Variants in MLLT3 observed in about 807,000 individuals in gnomAD.
MLLT3 encodes MLLT3 super elongation complex subunit.
In MLLT3, 4 loss-of-function variants were observed where a neutral mutation model predicts 53.2. The observed-to-expected ratio is 0.08, with a 90% CI of 0.04 to 0.17. The LOEUF (loss-of-function observed/expected upper bound fraction) is 0.17, where lower values mean the gene tolerates loss of function less well. Ranked by LOEUF, MLLT3 falls within the 10% of genes least tolerant of loss-of-function variation. MLLT3 has a pLI of 1.00. For missense variants in MLLT3, 569 were observed against 684.0 expected, an observed-to-expected ratio of 0.83 and a Z score of 1.87; for synonymous variants, 283 against 230.6, an observed-to-expected ratio of 1.23 and a Z score of -2.06.
chr9:20,449,308 G>A (rs746945589), intron 3 of MLLT3, among the ~76,000 whole-genome samples: 46 of 152,134 alleles, frequency 3.0e-4, no homozygotes, highest in Middle Eastern at 3.2e-3. Context: ...GTATCTGTGA[G>A]ATTAATAAGA....
intron 4 of MLLT3, among the ~76,000 whole-genome samples, chr9:20,437,950 T>G (rs1361880753): frequency 6.6e-6 from 1 of 152,230 alleles, no homozygotes; most frequent in African/African-American, 2.4e-5. Flanking sequence ...CTTGGTCTCA[T>G]AGTCACTGGC....
At chr9:20,399,963 TG>T (rs1425390000) in intron 5 of MLLT3, among the ~76,000 whole-genome samples, 1 of 151,936 alleles carries the variant, frequency 6.6e-6, no homozygotes, top group Non-Finnish European at 1.5e-5. Context: ...GAAAGAACGA[TG>T]GAACAAAAAT....
At chr9:20,603,435 C>G (rs540187104) in intron 2 of MLLT3, among the ~76,000 whole-genome samples, 4 of 151,990 alleles carry the variant, frequency 2.6e-5, no homozygotes, top group African/African-American at 9.6e-5. Context: ...ATGTTTTTTC[C>G]TCTGAATTTT....
At chr9:20,577,367 A>G (rs1166884872) in intron 2 of MLLT3, among the ~76,000 whole-genome samples, 3 of 152,182 alleles carry the variant, frequency 2.0e-5, no homozygotes, top group African/African-American at 7.2e-5. Flanking sequence ...ATAAAGTTTG[A>G]TCCAGGAGTA....
chr9:20,355,758 G>T (rs1821157243), intron 8 of MLLT3, among the ~76,000 whole-genome samples: 1 of 152,186 alleles, frequency 6.6e-6, no homozygotes, highest in Non-Finnish European at 1.5e-5. Context: ...AACTCATTAT[G>T]AAGTGAGTTG....
chr9:20,368,497 G>A (rs1821513446), intron 5 of MLLT3, among the ~76,000 whole-genome samples: 1 of 152,128 alleles, frequency 6.6e-6, no homozygotes, highest in Non-Finnish European at 1.5e-5. Context: ...CTCTGCCAGA[G>A]CTATTTGCTG....
At chr9:20,547,376 G>C (rs1410579054) in intron 2 of MLLT3, among the ~76,000 whole-genome samples, 3 of 151,902 alleles carry the variant, frequency 2.0e-5, no homozygotes, top group Admixed American at 6.5e-5. Flanking sequence ...AGGCATGGTG[G>C]CTCACGCCTG....
At chr9:20,541,207 A>G (rs757756818) in intron 2 of MLLT3, among the ~76,000 whole-genome samples, 5 of 152,166 alleles carry the variant, frequency 3.3e-5, no homozygotes, top group Non-Finnish European at 7.3e-5. Flanking sequence ...AAACCATACA[A>G]TAAGTCTTGA....
At chr9:20,533,574 T>G (rs1818399694) in intron 2 of MLLT3, among the ~76,000 whole-genome samples, 2 of 152,090 alleles carry the variant, frequency 1.3e-5, no homozygotes, top group Admixed American at 1.3e-4. Flanking sequence ...CCTAAGGAAA[T>G]AAAATCAGTA....
At chr9:20,561,544 T>C (rs1051588046) in intron 2 of MLLT3, among the ~76,000 whole-genome samples, 2 of 152,154 alleles carry the variant, frequency 1.3e-5, no homozygotes, top group African/African-American at 4.8e-5. Context: ...CAGTTGACAA[T>C]CTGTGTCCAA....
rs566258467 is a variant in MLLT3 at position 20,597,979 on chromosome 9, T to C, written c.193+22675A>G. Among the ~76,000 whole-genome samples the C allele has an allele frequency of 1.6e-4, 25 of 152,334 alleles. No individual in the cohort carries two copies. The South Asian group carries it at 2.7e-3, about 16-fold the overall frequency. Reference sequence around the variant, plus strand: ...GTCTCAGCAACATTTGCTTTACTTCTAAATAATTGTTAATTTACATTTATT... The same window carrying C: ...GTCTCAGCAACATTTGCTTTACTTCCAAATAATTGTTAATTTACATTTATT... On this transcript the variant is annotated intron_variant, in intron 2 of 10. Coordinates refer to ENST00000380338, the MANE Select transcript of MLLT3 (RefSeq NM_004529.4).
At chr9:20,578,338 T>A (rs1298147747) in intron 2 of MLLT3, among the ~76,000 whole-genome samples, 1 of 152,158 alleles carries the variant, frequency 6.6e-6, no homozygotes, top group Non-Finnish European at 1.5e-5. Flanking sequence ...TATGGAAGCA[T>A]AATGAAAAAC....
intron 5 of MLLT3, among the ~76,000 whole-genome samples, chr9:20,380,502 CATTATTCAGGAATT>C (rs1219629480): frequency 6.6e-5 from 10 of 152,016 alleles, no homozygotes; most frequent in Non-Finnish European, 1.0e-4. Context: ...CTTGTGGAAT[CATTATTCAGGAATT>C]ATTATTCAGT....
intron 2 of MLLT3, among the ~76,000 whole-genome samples, chr9:20,472,637 T>C (rs1486804920): frequency 2.0e-5 from 3 of 152,054 alleles, no homozygotes; most frequent in Admixed American, 6.6e-5. Context: ...AAGAAAAATA[T>C]ATATAAGCCC....
Position 20,615,360 on chromosome 9 carries a change from G to GAAA in MLLT3, c.193+5291_193+5293dup, listed in dbSNP as rs10601830. 1.0e-3 allele frequency among the ~76,000 whole-genome samples: 50 copies of GAAA among 48,774 alleles called. 2 individuals carry two copies. Among genetic ancestry groups the GAAA allele is most frequent in the Admixed American group, 1.8e-3 (5 of 2,816 alleles). The allele number at this position is 48,774 out of a possible 152,430, so 32.0% of individuals were successfully genotyped here. On this transcript the variant is annotated intron_variant, in intron 2 of 10. Transcript: ENST00000380338. Reference sequence around the variant, plus strand: ...CCTGGGTGACAGGGCCAGACCATGTGAAAAAAAAAAAAAAAAAAAAAAAAA... The same window carrying GAAA: ...CCTGGGTGACAGGGCCAGACCATGTGAAAAAAAAAAAAAAAAAAAAAAAAAAAA...
At chr9:20,591,180 T>G (rs994189330) in intron 2 of MLLT3, among the ~76,000 whole-genome samples, 2 of 152,220 alleles carry the variant, frequency 1.3e-5, no homozygotes, top group African/African-American at 4.8e-5. Flanking sequence ...TTTATTGTTC[T>G]CTCCAATTTA....
At chr9:20,439,242 G>C (rs572862961) in intron 4 of MLLT3, among the ~76,000 whole-genome samples, 1 of 152,172 alleles carries the variant, frequency 6.6e-6, no homozygotes, top group African/African-American at 2.4e-5. Flanking sequence ...TGTAGTCCCA[G>C]CTACTCAGGA....
chr9:20,620,527 C>A lies in MLLT3; in HGVS notation c.193+127G>T. The A allele has an allele frequency of 1.4e-6, 1 of 724,214 alleles. No individual in the cohort carries two copies. The highest frequency in any genetic ancestry group is 1.9e-6 in the Non-Finnish European group (1 of 532,636). The allele number at this position is 724,214 out of a possible 1,614,324, so 44.9% of individuals were successfully genotyped here. The stretch of plus-strand genomic sequence containing the variant: ...GACCTGGCCCGCGCGGCGCCGCGCA[C>A]CCGGATCCCGAGGCTACGCCGGCGA... On this transcript the variant is annotated intron_variant, in intron 2 of 10. Transcript: ENST00000380338. This position sits in a 1 kb window ranked among gnomAD's most constrained non-coding sequence, Gnocchi z 6.1.
intron 2 of MLLT3, among the ~76,000 whole-genome samples, chr9:20,542,372 T>A (rs1818661074): frequency 6.7e-6 from 1 of 149,756 alleles, no homozygotes; most frequent in Non-Finnish European, 1.5e-5. Context: ...TGCCTCAGCC[T>A]CCCGAGTAGC....
Sources: allele counts gnomAD v4.1 joint callset (sites outside exome capture counted in the v4.1 genomes callset), GRCh38; gene constraint gnomAD v4.1.1; non-coding constraint Gnocchi (gnomAD v3.1); transcripts MANE v1.5; gene names NCBI Gene and HGNC (gene_info 2026-07-23, HGNC 2026-07-21).